SGCD: variants seen among roughly 807,000 people sequenced by gnomAD.
SGCD encodes sarcoglycan delta, also known as delta-sarcoglycan.
In SGCD, 18 loss-of-function variants were observed where a neutral mutation model predicts 36.6. The observed-to-expected ratio is 0.49, with a 90% CI of 0.34 to 0.73. SGCD has a LOEUF of 0.73. Among genes scored for constraint, SGCD ranks in the 30% least tolerant of loss-of-function variants. SGCD has a pLI of 0.01. For missense variants in SGCD, 387 were observed against 346.7 expected, an observed-to-expected ratio of 1.12 and a Z score of -0.92; for synonymous variants, 133 against 130.6, an observed-to-expected ratio of 1.02 and a Z score of -0.12.
At chr5:156,426,771 C>T (rs886786938) in intron 3 of SGCD, among the ~76,000 whole-genome samples, 1 of 151,728 alleles carries the variant, frequency 6.6e-6, no homozygotes, top group Non-Finnish European at 1.5e-5. Context: ...GTTCATTCTT[C>T]TACTTGTGGC....
chr5:156,087,836 C>A (rs956141648), intron 1 of SGCD, among the ~76,000 whole-genome samples: 1 of 152,050 alleles, frequency 6.6e-6, no homozygotes, highest in Non-Finnish European at 1.5e-5. Flanking sequence ...GTGATTGTAC[C>A]AGCGAAAAAT....
chr5:156,172,660 T>C (rs1763371582), intron 3 of SGCD, among the ~76,000 whole-genome samples: 1 of 152,234 alleles, frequency 6.6e-6, no homozygotes, highest in East Asian at 1.9e-4. Flanking sequence ...CCTTTGGATG[T>C]GAAGGGAGCT....
At chr5:156,068,074 C>T (rs1035501655) in intron 1 of SGCD, among the ~76,000 whole-genome samples, 11 of 151,578 alleles carry the variant, frequency 7.3e-5, no homozygotes, top group Non-Finnish European at 1.3e-4. Context: ...CCTGCAGTGG[C>T]CTGTGATGTC....
At chr5:155,853,044 T>C in the SGCD span, among the ~76,000 whole-genome samples, 2 of 151,964 alleles carry the variant, frequency 1.3e-5, no homozygotes, top group African/African-American at 2.4e-5. Context: ...ATATCCAAGC[T>C]CTAAGACTGG....
chr5:156,001,579 G>T (rs1483708876), intron 1 of SGCD, among the ~76,000 whole-genome samples: 1 of 152,112 alleles, frequency 6.6e-6, no homozygotes, highest in Non-Finnish European at 1.5e-5. Context: ...TTTGTTTAAT[G>T]AACAGTCCAA....
chr5:156,403,067 A>T (rs1772236842), intron 3 of SGCD, among the ~76,000 whole-genome samples: 1 of 152,166 alleles, frequency 6.6e-6, no homozygotes, highest in South Asian at 2.1e-4. Flanking sequence ...TTGTTTCAGA[A>T]ACATTAAGGT....
chr5:156,141,168 C>T (rs560866862), intron 3 of SGCD, among the ~76,000 whole-genome samples: 9 of 152,306 alleles, frequency 5.9e-5, no homozygotes, highest in African/African-American at 2.2e-4. Flanking sequence ...CTGCCTCTAC[C>T]TAAATTTCAA....
At chr5:156,118,869 A>G (rs2127601835) in intron 2 of SGCD, among the ~76,000 whole-genome samples, 1 of 152,312 alleles carries the variant, frequency 6.6e-6, no homozygotes. Context: ...CTAGACTAGA[A>G]ATAAACAGAA....
chr5:155,825,576 A>G, the SGCD span, among the ~76,000 whole-genome samples: 2 of 152,194 alleles, frequency 1.3e-5, no homozygotes, highest in Non-Finnish European at 2.9e-5. Flanking sequence ...ATGTAGGTGA[A>G]TGATAAAGTT....
intron 1 of SGCD, among the ~76,000 whole-genome samples, chr5:156,073,880 A>C (rs1760677231): frequency 6.6e-6 from 1 of 152,228 alleles, no homozygotes; most frequent in South Asian, 2.1e-4. Flanking sequence ...CTATGAAGCA[A>C]GGCTTGACAG....
Position 156,594,929 on chromosome 5 carries a change from C to A in SGCD, c.383-3C>A. ...TATCTCTCTATCTCTCTATATCTCT[C>A]AGGTCCAAAAGCCGTAGAAGCTTAT... On this transcript the variant is annotated splice_polypyrimidine_tract_variant and splice_region_variant and intron_variant, in intron 5 of 8. Coordinates refer to ENST00000337851, the MANE Select transcript of SGCD (RefSeq NM_000337.6). 1 of 1,590,462 alleles carries A rather than the reference C, an allele frequency of 6.3e-7. No homozygotes were observed. The highest frequency in any genetic ancestry group is 8.6e-7 in the Non-Finnish European group (1 of 1,162,088).
chr5:156,642,771 C>G (rs978943165), intron 6 of SGCD, among the ~76,000 whole-genome samples: 6 of 151,544 alleles, frequency 4.0e-5, no homozygotes, highest in Non-Finnish European at 8.8e-5. Context: ...CTGGCCCAGT[C>G]TTCTTTATTA....
At chr5:156,646,047 A>G (rs565158464) in intron 6 of SGCD, among the ~76,000 whole-genome samples, 2 of 152,230 alleles carry the variant, frequency 1.3e-5, no homozygotes, top group East Asian at 3.9e-4. Flanking sequence ...GCCCAAGGTC[A>G]CTCAGCTAAT....
At chr5:155,861,432 G>C in the SGCD span, among the ~76,000 whole-genome samples, 15 of 151,790 alleles carry the variant, frequency 9.9e-5, no homozygotes, top group Non-Finnish European at 1.8e-4. Context: ...ACTGGACACG[G>C]TGGCTCACTC....
chr5:156,432,057 G>A (rs1023930821), intron 3 of SGCD, among the ~76,000 whole-genome samples: 4 of 152,162 alleles, frequency 2.6e-5, no homozygotes, highest in Admixed American at 6.5e-5. Context: ...CTAGCCACCC[G>A]TGGGACTACG....
intron 7 of SGCD, among the ~76,000 whole-genome samples, chr5:156,753,826 A>C (rs957634929): frequency 6.6e-6 from 1 of 152,124 alleles, no homozygotes; most frequent in African/African-American, 2.4e-5. Flanking sequence ...AGTCCCTCCC[A>C]TGACACGTGG....
intron 3 of SGCD, among the ~76,000 whole-genome samples, chr5:156,372,800 G>A (rs939969279): frequency 6.6e-6 from 1 of 152,132 alleles, no homozygotes; most frequent in Non-Finnish European, 1.5e-5. Flanking sequence ...TCAGCTTGCT[G>A]CTACCCATTG....
At chr5:156,673,440 G>A (rs112281863) in intron 7 of SGCD, among the ~76,000 whole-genome samples, 13 of 152,306 alleles carry the variant, frequency 8.5e-5, no homozygotes, top group African/African-American at 1.2e-4. Context: ...CTCAAGCATG[G>A]TTGTCGTAAT....
chr5:155,824,933 A>G, the SGCD span, among the ~76,000 whole-genome samples: 3 of 152,230 alleles, frequency 2.0e-5, no homozygotes, highest in South Asian at 2.1e-4. Flanking sequence ...ATTAAAAAAT[A>G]TATATATCAG....
Sources: gnomAD v4.1 joint callset for allele counts (sites outside exome capture counted in the v4.1 genomes callset) on GRCh38, gnomAD v4.1.1 for gene constraint, MANE v1.5 for transcripts, NCBI Gene and HGNC (gene_info 2026-07-23, HGNC 2026-07-21) for gene names.